EDIL3: variants seen among roughly 807,000 people sequenced by gnomAD.
EDIL3 encodes EGF-like repeat and discoidin I-like domain-containing protein 3.
A neutral mutation model predicts 67.4 loss-of-function variants in EDIL3; 37 were observed. The ratio of observed to expected loss-of-function variants is 0.55; its 90% CI spans 0.42 to 0.72. The LOEUF is 0.72. Among genes scored for constraint, EDIL3 ranks in the 30% least tolerant of loss-of-function variants. EDIL3 has a pLI of 0.00. For synonymous variants in EDIL3, 195 were observed against 196.3 expected (o/e 0.99, Z 0.05); for missense variants, 527 against 586.3 (o/e 0.90, Z 1.04).
intron 3 of EDIL3, among the ~76,000 whole-genome samples, chr5:84,213,782 T>A (rs1038856361): frequency 6.6e-6 from 1 of 152,208 alleles, no homozygotes; most frequent in African/African-American, 2.4e-5. Context: ...TTTTATTTTA[T>A]TTTTAAGTAT....
At chr5:84,067,095 A>C (rs1746656073) in intron 6 of EDIL3, among the ~76,000 whole-genome samples, 1 of 152,210 alleles carries the variant, frequency 6.6e-6, no homozygotes, top group Non-Finnish European at 1.5e-5. Flanking sequence ...GTAAAGACAA[A>C]AATGATGTCC....
At chr5:84,100,223 TG>T (rs1220404469) in intron 6 of EDIL3, among the ~76,000 whole-genome samples, 11 of 152,166 alleles carry the variant, frequency 7.2e-5, no homozygotes, top group Admixed American at 2.6e-4. Flanking sequence ...ATCCCATTAC[TG>T]GATATATACC....
intron 9 of EDIL3, among the ~76,000 whole-genome samples, chr5:83,983,742 CTT>C (rs550782079): frequency 4.7e-5 from 6 of 126,900 alleles, no homozygotes; most frequent in Non-Finnish European, 3.4e-5. Flanking sequence ...CAGGGACTTT[CTT>C]TTTTTTTTTT....
At chr5:84,052,694 G>C (rs1746364603) in intron 9 of EDIL3, among the ~76,000 whole-genome samples, 1 of 152,126 alleles carries the variant, frequency 6.6e-6, no homozygotes. Context: ...AACCAACAAA[G>C]AGCAAAAGAG....
At chr5:84,002,173 C>G (rs776727190) in intron 9 of EDIL3, among the ~76,000 whole-genome samples, 1 of 152,050 alleles carries the variant, frequency 6.6e-6, no homozygotes, top group East Asian at 1.9e-4. Flanking sequence ...GATTGAAGGA[C>G]AAAAACCATA....
intron 4 of EDIL3, among the ~76,000 whole-genome samples, chr5:84,163,798 A>G (rs1272313990): frequency 1.3e-5 from 2 of 152,162 alleles, no homozygotes; most frequent in Admixed American, 1.3e-4. Flanking sequence ...AAATGAAGAT[A>G]CTGAGAATGA....
chr5:84,235,139 ATTTG>A lies in EDIL3; in HGVS notation c.197-5259_197-5256del, dbSNP rs577410136. 5.3e-5 allele frequency among the ~76,000 whole-genome samples: 8 copies of A among 152,106 alleles called. No individual in the cohort carries two copies. The East Asian group carries it at 5.8e-4, about 11-fold the overall frequency. On this transcript the variant is annotated intron_variant, in intron 2 of 10. Transcript: ENST00000296591. The stretch of plus-strand genomic sequence containing the variant: ...GGGTTAATTTGGTTTTTGTTTTATT[ATTTG>A]TTTATCTGTTGTCCTTGGCCAATGG...
chr5:84,077,834 CTTCT>C (rs1010019443), intron 6 of EDIL3, among the ~76,000 whole-genome samples: 10 of 149,148 alleles, frequency 6.7e-5, no homozygotes, highest in South Asian at 2.1e-4. Flanking sequence ...TTCTTCTTTT[CTTCT>C]TTCTTTTTCT....
chr5:84,064,574 G>A (rs1026296794), intron 8 of EDIL3, 126 bp downstream of exon 8: 135 of 1,205,180 alleles, frequency 1.1e-4, no homozygotes, highest in Non-Finnish European at 1.5e-4. Flanking sequence ...GAACCATGTT[G>A]TAGACATTTT....
chr5:84,316,133 C>A (rs1435175046), intron 1 of EDIL3, among the ~76,000 whole-genome samples: 1 of 152,146 alleles, frequency 6.6e-6, no homozygotes, highest in Non-Finnish European at 1.5e-5. Flanking sequence ...AAAGATACAA[C>A]CAGTACCATC....
At chr5:83,964,271 T>C (rs1744654590) in intron 9 of EDIL3, among the ~76,000 whole-genome samples, 1 of 151,994 alleles carries the variant, frequency 6.6e-6, no homozygotes, top group African/African-American at 2.4e-5. Flanking sequence ...TAGAATACTT[T>C]GTTTTTTATG....
intron 1 of EDIL3, 32 bp downstream of exon 1, chr5:84,384,276 C>G: frequency 1.9e-6 from 3 of 1,602,832 alleles, no homozygotes; most frequent in Non-Finnish European, 2.6e-6. Flanking sequence ...CAGCCCATCC[C>G]TCACCCAGCT....
At chr5:84,016,949 T>G (rs1190973174) in intron 9 of EDIL3, among the ~76,000 whole-genome samples, 1 of 152,182 alleles carries the variant, frequency 6.6e-6, no homozygotes, top group East Asian at 1.9e-4. Context: ...AGCCTGAGAC[T>G]AGACACTTAA....
At chr5:84,171,361 A>T (rs949517689) in intron 4 of EDIL3, among the ~76,000 whole-genome samples, 1 of 152,200 alleles carries the variant, frequency 6.6e-6, no homozygotes, top group Admixed American at 6.5e-5. Context: ...TTGTGCAAAT[A>T]GCTATTATAT....
intron 5 of EDIL3, among the ~76,000 whole-genome samples, chr5:84,132,717 A>G (rs1035896112): frequency 4.0e-5 from 6 of 148,266 alleles, no homozygotes; most frequent in Non-Finnish European, 8.9e-5. Context: ...AGATAAGAAA[A>G]TATTAATTTA....
At chr5:84,175,163 C>T (rs1158245783) in intron 4 of EDIL3, among the ~76,000 whole-genome samples, 1 of 152,138 alleles carries the variant, frequency 6.6e-6, no homozygotes, top group African/African-American at 2.4e-5. Context: ...TCTCTTTGGC[C>T]TCTCGAACCT....
At chr5:84,025,222 C>A (rs1745790993) in intron 9 of EDIL3, among the ~76,000 whole-genome samples, 1 of 152,254 alleles carries the variant, frequency 6.6e-6, no homozygotes, top group East Asian at 1.9e-4. Flanking sequence ...GGGTCCCCAA[C>A]CCCTGGGCCA....
chr5:84,295,880 T>C (rs1392098670), intron 1 of EDIL3, among the ~76,000 whole-genome samples: 1 of 152,154 alleles, frequency 6.6e-6, no homozygotes, highest in Non-Finnish European at 1.5e-5. Flanking sequence ...TCAGCAATCA[T>C]ATAGGAAGGA....
At chr5:84,014,874 G>C (rs1745573031) in intron 9 of EDIL3, among the ~76,000 whole-genome samples, 1 of 152,156 alleles carries the variant, frequency 6.6e-6, no homozygotes, top group African/African-American at 2.4e-5. Flanking sequence ...AGCAGATACA[G>C]AACTCTGGAA....
Sources: allele counts gnomAD v4.1 joint callset (sites outside exome capture counted in the v4.1 genomes callset), GRCh38; gene constraint gnomAD v4.1.1; transcripts MANE v1.5; gene names NCBI Gene and HGNC (gene_info 2026-07-23, HGNC 2026-07-21).